Variants in CASP6 observed in about 807,000 individuals in gnomAD.
The protein encoded by CASP6 is caspase 6, also known as caspase-6.
CASP6 carries 20 observed loss-of-function variants against 31.8 expected under a neutral mutation model. The observed-to-expected ratio is 0.63, with a 90% CI of 0.44 to 0.91. CASP6 has a LOEUF of 0.91. Among genes scored for constraint, CASP6 ranks in the 40% least tolerant of loss-of-function variants. The probability of loss-of-function intolerance (pLI) is 0.00; values close to 1 mark genes in which losing one functional copy is unlikely to be tolerated. For synonymous variants in CASP6, 130 were observed against 127.8 expected, an observed-to-expected ratio of 1.02 and a Z score of -0.12; for missense variants, 328 against 361.1, an observed-to-expected ratio of 0.91 and a Z score of 0.74.
intron 5 of CASP6, chr4:109,692,502 A>G (rs1800627): frequency 0.48 from 72,630 of 151,952 alleles, 17,492 homozygotes; most frequent in Non-Finnish European, 0.5. Flanking sequence ...GTTATTTCCA[A>G]TTCTCTTGTG....
chr4:109,677,922 G>T, the CASP6 span, among the ~76,000 whole-genome samples: 1 of 148,774 alleles, frequency 6.7e-6, no homozygotes, highest in East Asian at 2.0e-4. Context: ...AGATAAACAC[G>T]TGAACAAAGG....
At chr4:109,674,523 T>C in the CASP6 span, among the ~76,000 whole-genome samples, 2 of 152,240 alleles carry the variant, frequency 1.3e-5, no homozygotes, top group South Asian at 2.1e-4. Context: ...AATTCAACTT[T>C]TGTCTGCGTG....
At chr4:109,665,217 G>T in the CASP6 span, among the ~76,000 whole-genome samples, 2 of 152,294 alleles carry the variant, frequency 1.3e-5, no homozygotes, top group African/African-American at 4.8e-5. Context: ...TGTACATAAT[G>T]TAAATAATCA....
chr4:109,670,173 G>A, the CASP6 span, among the ~76,000 whole-genome samples: 2 of 152,308 alleles, frequency 1.3e-5, no homozygotes, highest in South Asian at 2.1e-4. Flanking sequence ...GTATGGAGGG[G>A]AAGTGTTCTG....
At chr4:109,684,393 T>G, downstream of CASP6, 2 of 1,426,444 alleles carry the variant, frequency 1.4e-6, no homozygotes, top group Non-Finnish European at 1.9e-6. Flanking sequence ...TTTTGTCCCT[T>G]TAGTTGGTGT....
chr4:109,684,705 T>TATAG, downstream of CASP6: 1 of 811,664 alleles, frequency 1.2e-6, no homozygotes, highest in Admixed American at 2.4e-5. Flanking sequence ...ATGTCTTATC[T>TATAG]AAGCAATGAG....
At chr4:109,685,115 T>C (rs1729808744), downstream of CASP6, 1 of 580,128 alleles carries the variant, frequency 1.7e-6, no homozygotes, top group African/African-American at 1.9e-5. Flanking sequence ...ATGCTTACTC[T>C]CATGGCCATT....
downstream of CASP6, chr4:109,687,811 G>A (rs5030606): frequency 0.58 from 296,242 of 511,294 alleles, 86,786 homozygotes; most frequent in African/African-American, 0.69. Flanking sequence ...TCAAAGCAAC[G>A]GTGGCTGCTG....
the CASP6 span, among the ~76,000 whole-genome samples, chr4:109,671,853 T>C: frequency 6.6e-6 from 1 of 152,168 alleles, no homozygotes; most frequent in Non-Finnish European, 1.5e-5. Context: ...AATAGGTCTT[T>C]AGTGTGAGGT....
chr4:109,681,968 T>C, the CASP6 span, among the ~76,000 whole-genome samples: 2 of 152,240 alleles, frequency 1.3e-5, no homozygotes, highest in Non-Finnish European at 2.9e-5. Flanking sequence ...CTCGAATGCC[T>C]GGTTTTATAT....
At chr4:109,675,835 C>T in the CASP6 span, among the ~76,000 whole-genome samples, 3 of 152,200 alleles carry the variant, frequency 2.0e-5, no homozygotes, top group East Asian at 3.9e-4. Flanking sequence ...CTTGCTTTCT[C>T]TCTGCCTCCC....
At chr4:109,700,372 G>A (rs1374536361) in intron 1 of CASP6, among the ~76,000 whole-genome samples, 1 of 152,120 alleles carries the variant, frequency 6.6e-6, no homozygotes, top group African/African-American at 2.4e-5. Flanking sequence ...TTAAAATGAC[G>A]TTCTGGCCGG....
chr4:109,669,985 C>T, the CASP6 span, among the ~76,000 whole-genome samples: 14 of 152,226 alleles, frequency 9.2e-5, no homozygotes, highest in Admixed American at 8.5e-4. Context: ...GTTGCTAGTC[C>T]GATAATTCCA....
chr4:109,665,660 A>G, the CASP6 span, among the ~76,000 whole-genome samples: 1 of 152,102 alleles, frequency 6.6e-6, no homozygotes, highest in East Asian at 1.9e-4. Flanking sequence ...TTGTTTTTTC[A>G]TTCATTTTGT....
At position 109,696,659 on chromosome 4, in the gene CASP6, G is replaced by A. The variant is rs1040256701; in HGVS notation, c.231-173C>T. Among the ~76,000 whole-genome samples, 15 of 152,122 alleles carry A rather than the reference G, an allele frequency of 9.9e-5. 1 individual carries two copies. The highest frequency in any genetic ancestry group is 2.2e-4 in the Non-Finnish European group (15 of 68,028). ...CCCTTCATTCACCATGGTCGGAAAGGATTTAATCATAATGACAGCCGATTC... is the reference window on the plus strand; with the variant it reads ...CCCTTCATTCACCATGGTCGGAAAGAATTTAATCATAATGACAGCCGATTC... On this transcript the variant is annotated intron_variant, in intron 3 of 6. Coordinates refer to ENST00000265164, the MANE Select transcript of CASP6 (RefSeq NM_001226.4).
the CASP6 span, among the ~76,000 whole-genome samples, chr4:109,667,526 G>A: frequency 1.3e-5 from 2 of 151,118 alleles, no homozygotes; most frequent in Non-Finnish European, 3.0e-5. Flanking sequence ...TTTTTCCAAA[G>A]AACTAGCTTT....
At chr4:109,698,221 C>G (rs1264201915) in intron 2 of CASP6, 79 bp downstream of exon 2, 4 of 1,450,298 alleles carry the variant, frequency 2.8e-6, no homozygotes. Flanking sequence ...CTCCCAGGAC[C>G]CATTCTTGCT....
At chr4:109,690,333 G>A (rs766504267) in intron 6 of CASP6, among the ~76,000 whole-genome samples, 49 of 151,564 alleles carry the variant, frequency 3.2e-4, no homozygotes, top group Non-Finnish European at 5.6e-4. Context: ...ACCAGCCTGG[G>A]CAACATAGCA....
At chr4:109,682,648 C>T in the CASP6 span, 4 of 1,612,512 alleles carry the variant, frequency 2.5e-6, no homozygotes, top group South Asian at 2.2e-5. Context: ...AGACTATTTA[C>T]AATCTTGCAT....
Sources: allele counts gnomAD v4.1 joint callset (sites outside exome capture counted in the v4.1 genomes callset), GRCh38; gene constraint gnomAD v4.1.1; transcripts MANE v1.5; gene names NCBI Gene and HGNC (gene_info 2026-07-23, HGNC 2026-07-21).